Variants in TMIGD3 observed in about 807,000 individuals in gnomAD.
The protein encoded by TMIGD3 is transmembrane and immunoglobulin domain containing 3, also known as AD026 protein (AD026).
In TMIGD3, 21 loss-of-function variants were observed where a neutral mutation model predicts 28.1. The ratio of observed to expected loss-of-function variants is 0.75; its 90% CI spans 0.53 to 1.08. The LOEUF is 1.08. Ranked by LOEUF, TMIGD3 falls within the 50% of genes least tolerant of loss-of-function variation. The probability of loss-of-function intolerance (pLI) is 0.00; values close to 1 mark genes in which losing one functional copy is unlikely to be tolerated. For missense variants in TMIGD3, 416 were observed against 435.6 expected (o/e 0.96, Z 0.40); for synonymous variants, 151 against 162.1 (o/e 0.93, Z 0.52).
chr1:111,483,757 A>G lies in TMIGD3; in HGVS notation c.974T>C (p.Val325Ala), dbSNP rs1319594643. 3 of 1,613,466 alleles carry G rather than the reference A, an allele frequency of 1.9e-6. No homozygotes were observed. In the Admixed American group the frequency reaches 5.0e-5, roughly 27 times the overall value. ...KRRRSQRNRR[V>A]GNTLKPFSRV... ...CGAGAAGGGCTTCAAAGTGTTGCCT[A>G]CTTTGTTGGGGAATAGAAAGGGAAA... is the stretch of plus-strand genomic sequence containing the variant. The change falls in exon 6 of 6, where the codon GTA becomes GCA. Residue 325 changes from valine to alanine, a missense_variant and splice_region_variant. By Grantham distance (64) the Val-to-Ala change is moderately conservative. Coordinates refer to ENST00000369716, the MANE Select transcript of TMIGD3 (RefSeq NM_020683.7).
intron 1 of TMIGD3, among the ~76,000 whole-genome samples, chr1:111,560,297 T>A (rs74957863): frequency 0.08 from 12,168 of 151,412 alleles, 1,164 homozygotes; most frequent in African/African-American, 0.23. Flanking sequence ...GGCTAAAATC[T>A]AGAATGGAGA....
In TMIGD3 at chr1:111,485,726, C is replaced by CAAAAACAA; in HGVS notation, c.973+13_973+14insTTGTTTTT. ...AATTCTTGCCCACCCCCTCCCTCAA[C>CAAAAACAA]AATAGCTACTTACCCCTTCTATTCC... On this transcript the variant is annotated intron_variant, in intron 5 of 5. Coordinates refer to ENST00000369716, the MANE Select transcript of TMIGD3 (RefSeq NM_020683.7). 2.1e-5 allele frequency: 18 copies of CAAAAACAA among 850,590 alleles called. No individual in the cohort carries two copies. The highest frequency in any genetic ancestry group is 3.3e-5 in the Non-Finnish European group (17 of 522,844). The allele number at this position is 850,590 out of a possible 1,614,324, so 52.7% of individuals were successfully genotyped here.
chr1:111,528,955 A>G (rs887844914), intron 1 of TMIGD3, among the ~76,000 whole-genome samples: 4 of 152,054 alleles, frequency 2.6e-5, no homozygotes, highest in Non-Finnish European at 2.9e-5. Context: ...GTCATTTGCA[A>G]AAACAGACAG....
At chr1:111,523,432 G>T (rs1656146891) in intron 1 of TMIGD3, among the ~76,000 whole-genome samples, 1 of 151,968 alleles carries the variant, frequency 6.6e-6, no homozygotes, top group African/African-American at 2.4e-5. Context: ...ACAGCTATTG[G>T]TCTATGATTT....
intron 2 of TMIGD3, chr1:111,489,393 G>C (rs1035331952): frequency 3.7e-6 from 1 of 269,088 alleles, no homozygotes; most frequent in African/African-American, 2.2e-5. Flanking sequence ...ACAGCCAGAA[G>C]GCAATCATCT....
chr1:111,517,569 T>C (rs889499742), intron 1 of TMIGD3, among the ~76,000 whole-genome samples: 1 of 152,212 alleles, frequency 6.6e-6, no homozygotes, highest in Non-Finnish European at 1.5e-5. Flanking sequence ...CATACTAGGA[T>C]TCAAAACCCC....
chr1:111,513,367 C>T (rs763426000), intron 1 of TMIGD3, among the ~76,000 whole-genome samples: 4 of 152,186 alleles, frequency 2.6e-5, no homozygotes, highest in Admixed American at 6.5e-5. Flanking sequence ...TCGGCAAACA[C>T]GGAGGCACAT....
chr1:111,504,162 G>A (rs1655393690), upstream of TMIGD3: 2 of 984,296 alleles, frequency 2.0e-6, no homozygotes, highest in South Asian at 4.7e-5. Flanking sequence ...TGCTCAGAAG[G>A]GCAAAAACTC....
chr1:111,536,231 GTT>G (rs34091536), intron 1 of TMIGD3, among the ~76,000 whole-genome samples: 13 of 146,360 alleles, frequency 8.9e-5, no homozygotes, highest in South Asian at 8.8e-4. Flanking sequence ...TATTTTTTAA[GTT>G]TTTTTTTTTT....
intron 1 of TMIGD3, among the ~76,000 whole-genome samples, chr1:111,493,556 T>C (rs547028834): frequency 6.6e-6 from 1 of 152,322 alleles, no homozygotes; most frequent in Admixed American, 6.5e-5. Context: ...CTTTTCTTCA[T>C]AAATTACCTG....
chr1:111,542,879 T>C (rs946204742), intron 1 of TMIGD3, among the ~76,000 whole-genome samples: 3 of 152,038 alleles, frequency 2.0e-5, no homozygotes, highest in African/African-American at 4.8e-5. Context: ...GCATTTTTAA[T>C]AGAGATGGGG....
rs1363139027 is a variant in TMIGD3, at chr1:111,485,776, A to G, written c.937T>C (p.Leu313=). 2 of 1,613,032 alleles carry G rather than the reference A, an allele frequency of 1.2e-6. No individual in the cohort carries two copies. Among genetic ancestry groups the G allele is most frequent in the Non-Finnish European group, 1.7e-6 (2 of 1,179,634 alleles). Residue 313 remains leucine (L), a synonymous_variant, in exon 5 of 6, where the codon TTG becomes CTG. Transcript: ENST00000369716. ...CTTTGACTTCTCCTCCTTTTGGTCAAATGACTGATTACAGAGATGATTCCC... is the reference window on the plus strand; with the variant it reads ...CTTTGACTTCTCCTCCTTTTGGTCAGATGACTGATTACAGAGATGATTCCC... ...GLGIISVISH[L]TKRRRSQRNR...
At chr1:111,547,684 G>A (rs560819409) in intron 1 of TMIGD3, among the ~76,000 whole-genome samples, 1 of 152,238 alleles carries the variant, frequency 6.6e-6, no homozygotes, top group South Asian at 2.1e-4. Context: ...TAAGATATAG[G>A]AAGAAGTCAG....
intron 1 of TMIGD3, among the ~76,000 whole-genome samples, chr1:111,523,340 A>G (rs1178561384): frequency 2.6e-5 from 4 of 152,278 alleles, no homozygotes; most frequent in African/African-American, 9.6e-5. Context: ...CTTGGACACT[A>G]TGTACCGTAT....
intron 1 of TMIGD3, among the ~76,000 whole-genome samples, chr1:111,554,774 G>T (rs757998504): frequency 5.3e-5 from 8 of 152,158 alleles, no homozygotes; most frequent in Non-Finnish European, 1.0e-4. Flanking sequence ...AAGTGATTCA[G>T]GTTGGTAGAC....
At chr1:111,537,842 C>T (rs1258447325) in intron 1 of TMIGD3, among the ~76,000 whole-genome samples, 2 of 152,148 alleles carry the variant, frequency 1.3e-5, no homozygotes, top group South Asian at 4.1e-4. Flanking sequence ...CAATATGAAA[C>T]ATATGGGGGC....
intron 1 of TMIGD3, among the ~76,000 whole-genome samples, chr1:111,498,367 T>C (rs543030098): frequency 6.6e-6 from 1 of 152,350 alleles, no homozygotes; most frequent in East Asian, 1.9e-4. Flanking sequence ...CTTGAATCTC[T>C]AGAGCCACAT....
At chr1:111,487,780 G>A (rs966717244) in intron 3 of TMIGD3, among the ~76,000 whole-genome samples, 1 of 152,126 alleles carries the variant, frequency 6.6e-6, no homozygotes, top group African/African-American at 2.4e-5. Context: ...TTACTAGTTG[G>A]ACCATGAAAT....
intron 3 of TMIGD3, 50 bp downstream of exon 3, chr1:111,488,627 C>G: frequency 6.6e-7 from 1 of 1,516,356 alleles, no homozygotes; most frequent in East Asian, 2.3e-5. Context: ...TAGCAGCAAA[C>G]ACCCATGGCT....
Sources: allele counts gnomAD v4.1 joint callset (sites outside exome capture counted in the v4.1 genomes callset), GRCh38; gene constraint gnomAD v4.1.1; transcripts MANE v1.5; gene names NCBI Gene and HGNC (gene_info 2026-07-23, HGNC 2026-07-21).